The following CRYL1 variants were observed in gnomAD, a reference collection of about 807,000 sequenced individuals.
The protein encoded by CRYL1 is crystallin lambda 1.
A neutral mutation model predicts 36.6 loss-of-function variants in CRYL1; 29 were observed. That is an observed-to-expected ratio of 0.79 (90% CI 0.59 to 1.08). The LOEUF (loss-of-function observed/expected upper bound fraction) is 1.08. Among genes scored for constraint, CRYL1 ranks in the 50% least tolerant of loss-of-function variants. CRYL1 has a pLI of 0.00. For synonymous variants in CRYL1, 152 were observed against 151.5 expected, an observed-to-expected ratio of 1.00 and a Z score of -0.02; for missense variants, 411 against 407.9, an observed-to-expected ratio of 1.01 and a Z score of -0.06.
chr13:20,404,379 G>A, intron 7 of CRYL1, 137 bp from the exon 8 acceptor site: 1 of 648,420 alleles, frequency 1.5e-6, no homozygotes, highest in South Asian at 1.9e-5. Flanking sequence ...ATGAACAGCA[G>A]CTTTCCAAAT....
At chr13:20,491,622 C>T (rs2033514552) in intron 2 of CRYL1, among the ~76,000 whole-genome samples, 1 of 152,066 alleles carries the variant, frequency 6.6e-6, no homozygotes. Flanking sequence ...GAAACCTCGT[C>T]TCTACAAAAA....
In CRYL1 at chr13:20,425,115, C is replaced by T. The variant is rs781675808; in HGVS notation, c.633+6987G>A. Reference sequence around the variant, plus strand: ...TTTTCCCCCGGACACATTCCAGGTGCACCACAGTCTGAAGCAAACCACAGC... The same window carrying T: ...TTTTCCCCCGGACACATTCCAGGTGTACCACAGTCTGAAGCAAACCACAGC... On this transcript the variant is annotated intron_variant, in intron 5 of 7. Transcript: ENST00000298248. The surrounding 1 kb of genome is among the most constrained non-coding windows in gnomAD (Gnocchi z 4.4). Among the ~76,000 whole-genome samples the T allele has an allele frequency of 2.0e-5, 3 of 152,204 alleles. No homozygotes were observed. Among genetic ancestry groups the T allele is most frequent in the Admixed American group, 2.0e-4 (3 of 15,286 alleles).
intron 5 of CRYL1, among the ~76,000 whole-genome samples, chr13:20,429,506 T>C (rs2032006906): frequency 6.6e-6 from 1 of 152,166 alleles, no homozygotes; most frequent in Non-Finnish European, 1.5e-5. Context: ...CACAGCAGCA[T>C]AGATTTTCCT....
chr13:20,447,677 C>A (rs12865725), intron 3 of CRYL1, among the ~76,000 whole-genome samples: 6,982 of 151,862 alleles, frequency 0.046, 335 homozygotes, highest in Admixed American at 0.16. Flanking sequence ...GGAAAAAAAA[C>A]CCCACAAAAC....
chr13:20,469,443 T>A (rs1175788559), intron 3 of CRYL1, among the ~76,000 whole-genome samples: 1 of 152,202 alleles, frequency 6.6e-6, no homozygotes, highest in Non-Finnish European at 1.5e-5. Flanking sequence ...CAGCATATAC[T>A]TTATCATATT....
chr13:20,514,139 G>A, intron 1 of CRYL1, among the ~76,000 whole-genome samples: 1 of 152,200 alleles, frequency 6.6e-6, no homozygotes, highest in East Asian at 1.9e-4. Flanking sequence ...CCCTTAGGCA[G>A]GTAGGGCATC....
intron 4 of CRYL1, chr13:20,433,732 G>T (rs1285050762): frequency 1.3e-5 from 2 of 154,426 alleles, no homozygotes; most frequent in Non-Finnish European, 2.9e-5. Context: ...AAGCAGGCAT[G>T]CTGGGATTGG....
chr13:20,518,420 G>T (rs531654050), intron 1 of CRYL1, among the ~76,000 whole-genome samples: 2 of 152,252 alleles, frequency 1.3e-5, no homozygotes, highest in East Asian at 3.9e-4. Context: ...CAAAGAGTCT[G>T]TTTGCCCAGC....
chr13:20,427,341 G>A, intron 5 of CRYL1: 1 of 985,040 alleles, frequency 1.0e-6, no homozygotes. Flanking sequence ...ACATCTGTGA[G>A]ATGGCACAAT....
At chr13:20,407,517 C>A (rs554224674) in intron 6 of CRYL1, among the ~76,000 whole-genome samples, 18 of 152,220 alleles carry the variant, frequency 1.2e-4, no homozygotes, top group African/African-American at 4.3e-4. Context: ...CTCTAAAATG[C>A]CAATTTCTTT....
chr13:20,514,762 G>T (rs2033971966), intron 1 of CRYL1, among the ~76,000 whole-genome samples: 2 of 152,080 alleles, frequency 1.3e-5, no homozygotes, highest in Non-Finnish European at 2.9e-5. Flanking sequence ...AATTTGGTGA[G>T]ATGACATATG....
chr13:20,420,311 G>C (rs1419939902), intron 5 of CRYL1, among the ~76,000 whole-genome samples: 1 of 152,188 alleles, frequency 6.6e-6, no homozygotes, highest in Non-Finnish European at 1.5e-5. Flanking sequence ...ACAAGCCTAC[G>C]TGCACAGCTG....
chr13:20,509,738 G>A (rs2033879840), intron 2 of CRYL1, among the ~76,000 whole-genome samples: 1 of 152,108 alleles, frequency 6.6e-6, no homozygotes, highest in Non-Finnish European at 1.5e-5. Context: ...GACCAGCCTG[G>A]TCAATGTGGT....
intron 5 of CRYL1, among the ~76,000 whole-genome samples, chr13:20,428,629 A>C (rs2031985846): frequency 6.6e-6 from 1 of 152,218 alleles, no homozygotes; most frequent in Non-Finnish European, 1.5e-5. Context: ...CGCAGCTGAC[A>C]TCAGCAGCAA....
At chr13:20,509,530 G>A (rs2033875006) in intron 2 of CRYL1, among the ~76,000 whole-genome samples, 1 of 152,002 alleles carries the variant, frequency 6.6e-6, no homozygotes, top group Non-Finnish European at 1.5e-5. Flanking sequence ...AATCAAAAAT[G>A]TTTTTACATT....
At chr13:20,488,005 G>C (rs1200238963) in intron 3 of CRYL1, among the ~76,000 whole-genome samples, 1 of 152,036 alleles carries the variant, frequency 6.6e-6, no homozygotes, top group Non-Finnish European at 1.5e-5. Flanking sequence ...CACAGGCTGA[G>C]ACAGGAGAAT....
intron 4 of CRYL1, among the ~76,000 whole-genome samples, chr13:20,436,798 C>G (rs1003502498): frequency 1.3e-5 from 2 of 152,134 alleles, no homozygotes; most frequent in Admixed American, 1.3e-4. Context: ...CATGAACAAG[C>G]CTCCTTTTTC....
chr13:20,521,972 T>G (rs2034104634), intron 1 of CRYL1, among the ~76,000 whole-genome samples: 1 of 152,178 alleles, frequency 6.6e-6, no homozygotes, highest in South Asian at 2.1e-4. Flanking sequence ...ATCCTAGGGT[T>G]TGCTGTGTAT....
intron 3 of CRYL1, among the ~76,000 whole-genome samples, chr13:20,448,714 A>G (rs1359200743): frequency 6.6e-6 from 1 of 152,230 alleles, no homozygotes; most frequent in Non-Finnish European, 1.5e-5. Flanking sequence ...ACCCAGCAAA[A>G]ATGTCTTTCA....
Sources: gnomAD v4.1 joint callset for allele counts (sites outside exome capture counted in the v4.1 genomes callset) on GRCh38, gnomAD v4.1.1 for gene constraint, Gnocchi (gnomAD v3.1) non-coding constraint, MANE v1.5 for transcripts, NCBI Gene and HGNC (gene_info 2026-07-23, HGNC 2026-07-21) for gene names.